The following FSAF1 variants were observed in gnomAD, a reference collection of about 807,000 sequenced individuals.
FSAF1 encodes uncharacterized protein C1orf131.
chr1:231,229,160 T>C, the FSAF1 span: 1 of 1,573,034 alleles, frequency 6.4e-7, no homozygotes, highest in Non-Finnish European at 8.7e-7. Context: ...TTTTTCTAGG[T>C]TAAATTCTTG....
the FSAF1 span, chr1:231,239,014 C>G: frequency 1.2e-6 from 2 of 1,614,064 alleles, no homozygotes; most frequent in South Asian, 1.1e-5. Context: ...AGCACAATGC[C>G]GCTCTTCTCT....
At chr1:231,238,040 G>A in the FSAF1 span, 1 of 152,362 alleles carries the variant, frequency 6.6e-6, no homozygotes, top group Non-Finnish European at 1.5e-5. Context: ...AAACTAGCCA[G>A]GCGTGGTGGC....
the FSAF1 span, chr1:231,224,781 A>G: frequency 1.9e-5 from 4 of 209,698 alleles, no homozygotes; most frequent in Admixed American, 5.3e-5. Flanking sequence ...CCAGTACCTG[A>G]TATCATCTTA....
At chr1:231,230,718 G>A in the FSAF1 span, among the ~76,000 whole-genome samples, 2 of 152,174 alleles carry the variant, frequency 1.3e-5, no homozygotes, top group Non-Finnish European at 2.9e-5. Flanking sequence ...TAAGGTGTGT[G>A]GGTTCAGACA....
the FSAF1 span, chr1:231,237,409 T>C: frequency 6.6e-6 from 1 of 152,228 alleles, no homozygotes; most frequent in Admixed American, 6.5e-5. Context: ...GTGAATGTGA[T>C]CTTACTTGGA....
chr1:231,225,880 C>A, the FSAF1 span: 1 of 231,762 alleles, frequency 4.3e-6, no homozygotes, highest in Non-Finnish European at 8.6e-6. Context: ...GACTAATAGT[C>A]TTACACTGAA....
At chr1:231,224,133 T>C in the FSAF1 span, 1 of 939,766 alleles carries the variant, frequency 1.1e-6, no homozygotes, top group Non-Finnish European at 1.5e-6. Flanking sequence ...CAACTAGAAA[T>C]GTTACTTCTG....
the FSAF1 span, among the ~76,000 whole-genome samples, chr1:231,234,402 T>C: frequency 6.6e-6 from 1 of 152,324 alleles, no homozygotes; most frequent in Non-Finnish European, 1.5e-5. This position sits in a 1 kb window ranked among gnomAD's most constrained non-coding sequence, Gnocchi z 4.0. Flanking sequence ...CATCTGACGC[T>C]TTCATTGCTT....
the FSAF1 span, among the ~76,000 whole-genome samples, chr1:231,227,406 G>C: frequency 1.6e-4 from 25 of 151,960 alleles, no homozygotes; most frequent in Non-Finnish European, 3.5e-4. Flanking sequence ...CGAGTAGCTA[G>C]GACTATAGGC....
At chr1:231,238,249 G>A in the FSAF1 span, 1 of 152,238 alleles carries the variant, frequency 6.6e-6, no homozygotes, top group South Asian at 2.1e-4. Flanking sequence ...AATTTTAGGT[G>A]AGATTTACAA....
the FSAF1 span, chr1:231,225,201 C>T: frequency 3.8e-6 from 2 of 526,582 alleles, no homozygotes; most frequent in Admixed American, 3.2e-5. Flanking sequence ...TCTTAGAAGT[C>T]TTTTCTTGGA....
At chr1:231,235,043 T>G in the FSAF1 span, among the ~76,000 whole-genome samples, 3 of 152,344 alleles carry the variant, frequency 2.0e-5, no homozygotes, top group South Asian at 6.2e-4. Flanking sequence ...CAAAGTAGAT[T>G]GTACAGTATA....
chr1:231,241,169 G>C, the FSAF1 span: 2 of 1,593,104 alleles, frequency 1.3e-6, no homozygotes, highest in Middle Eastern at 1.7e-4. Flanking sequence ...CCGCTTCCGG[G>C]TTCCGCGACT....
At chr1:231,224,175 CTG>C in the FSAF1 span, 1 of 1,288,018 alleles carries the variant, frequency 7.8e-7, no homozygotes, top group Non-Finnish European at 1.0e-6. Flanking sequence ...AAAAAGCAGT[CTG>C]TGAAATGCGT....
chr1:231,227,512 T>G, the FSAF1 span, among the ~76,000 whole-genome samples: 7 of 151,620 alleles, frequency 4.6e-5, no homozygotes, highest in Admixed American at 1.3e-4. Context: ...TAGGCTCAAG[T>G]GATCCTCCCA....
At chr1:231,239,940 G>A in the FSAF1 span, among the ~76,000 whole-genome samples, 1 of 152,146 alleles carries the variant, frequency 6.6e-6, no homozygotes, top group Admixed American at 6.5e-5. Flanking sequence ...ATATTATTTT[G>A]CAGAATAGTC....
the FSAF1 span, among the ~76,000 whole-genome samples, chr1:231,228,021 A>T: frequency 1.2e-3 from 188 of 152,324 alleles, 3 homozygotes; most frequent in African/African-American, 4.4e-3. Context: ...CATTGTCCAT[A>T]AAGGCAATAA....
chr1:231,240,775 C>T, the FSAF1 span, among the ~76,000 whole-genome samples: 1 of 152,092 alleles, frequency 6.6e-6, no homozygotes, highest in Non-Finnish European at 1.5e-5. This position sits in a 1 kb window ranked among gnomAD's most constrained non-coding sequence, Gnocchi z 4.1. Flanking sequence ...GTGCTTCCTA[C>T]AAGCAAGTAG....
chr1:231,231,470 G>C, the FSAF1 span, among the ~76,000 whole-genome samples: 3 of 152,102 alleles, frequency 2.0e-5, no homozygotes, highest in Non-Finnish European at 4.4e-5. Flanking sequence ...CTCCACTGAA[G>C]TAATGGCTAA....
Sources: gnomAD v4.1 joint callset for allele counts (sites outside exome capture counted in the v4.1 genomes callset) on GRCh38, gnomAD v4.1.1 for gene constraint, Gnocchi (gnomAD v3.1) non-coding constraint, MANE v1.5 for transcripts, NCBI Gene and HGNC (gene_info 2026-07-23, HGNC 2026-07-21) for gene names.